C3orf38: variants seen among roughly 807,000 people sequenced by gnomAD.
C3orf38 encodes the protein uncharacterized protein C3orf38.
Under a neutral mutation model 28.3 loss-of-function variants are expected in C3orf38, and 18 were observed. The observed-to-expected ratio is 0.64, with a 90% CI of 0.44 to 0.94. The LOEUF (loss-of-function observed/expected upper bound fraction) is 0.94, where lower values mean the gene tolerates loss of function less well. Ranked by LOEUF, C3orf38 falls within the 40% of genes least tolerant of loss-of-function variation. The pLI, the probability that C3orf38 is intolerant of heterozygous loss-of-function variation, is 0.00. For missense variants in C3orf38, 364 were observed against 396.4 expected (o/e 0.92, Z 0.69); for synonymous variants, 145 against 138.1 (o/e 1.05, Z -0.35).
At position 88,150,037 on chromosome 3, in the gene C3orf38, C is replaced by CG. The variant is rs767709909; in HGVS notation, c.-16_-15insG. On this transcript the variant is annotated 5_prime_UTR_variant, in exon 1 of 3. Coordinates refer to ENST00000318887, the MANE Select transcript of C3orf38 (RefSeq NM_173824.4). ...GGCGACATTGTTGCCGTTGTCTTTC[C>CG]CCCCCAGTCCCGGGGATGGAGATGT... is the stretch of plus-strand genomic sequence containing the variant. 2.0e-5 allele frequency: 32 copies of CG among 1,613,712 alleles called. No individual in the cohort carries two copies. The highest frequency in any genetic ancestry group is 2.3e-5 in the Non-Finnish European group (27 of 1,179,798).
intron 2 of C3orf38, among the ~76,000 whole-genome samples, chr3:88,153,950 A>G (rs1473692861): frequency 6.6e-6 from 1 of 152,204 alleles, no homozygotes; most frequent in African/African-American, 2.4e-5. Flanking sequence ...AACTAAGAGC[A>G]AAAATATTTC....
chr3:88,150,020 T>C lies in C3orf38; in HGVS notation c.-33T>C, dbSNP rs760285512. The C allele has an allele frequency of 1.9e-6, 3 of 1,583,554 alleles. No individual in the cohort carries two copies. The highest frequency in any genetic ancestry group is 2.2e-5 in the South Asian group (2 of 89,182). ...GCCCAGTGGGCCGTAGGGGCGACAT[T>C]GTTGCCGTTGTCTTTCCCCCCCAGT... On this transcript the variant is annotated 5_prime_UTR_variant, in exon 1 of 3. Transcript: ENST00000318887.
Position 88,150,129 on chromosome 3 carries a change from T to C in C3orf38, c.77T>C (p.Ile26Thr). ...NLLGLLDNDE[I>T]MALCDTVTNR... ...CTTGGCCTACTGGACAACGACGAGATCATGGCCCTATGCGACACTGTCACC... is the reference window on the plus strand; with the variant it reads ...CTTGGCCTACTGGACAACGACGAGACCATGGCCCTATGCGACACTGTCACC... The change falls in exon 1 of 3, where the codon ATC becomes ACC. Residue 26 changes from isoleucine to threonine, a missense_variant. Coordinates refer to ENST00000318887, the MANE Select transcript of C3orf38 (RefSeq NM_173824.4). The C allele has an allele frequency of 6.2e-7, 1 of 1,614,100 alleles. No homozygotes were observed. The highest frequency in any genetic ancestry group is 8.5e-7 in the Non-Finnish European group (1 of 1,180,018).
intron 1 of C3orf38, among the ~76,000 whole-genome samples, chr3:88,151,660 T>C (rs892271261): frequency 6.6e-6 from 1 of 152,156 alleles, no homozygotes; most frequent in African/African-American, 2.4e-5. Flanking sequence ...GCGTTTGTAA[T>C]TGGACGCAGA....
At chr3:88,152,586 C>CCCCG (rs1707429417) in intron 1 of C3orf38, among the ~76,000 whole-genome samples, 1 of 151,730 alleles carries the variant, frequency 6.6e-6, no homozygotes, top group Non-Finnish European at 1.5e-5. Context: ...CACGGTGAAA[C>CCCCG]CCTGTCTGTA....
chr3:88,153,194 C>T (rs1707438448), intron 1 of C3orf38, 36 bp from the exon 2 acceptor site: 4 of 1,586,252 alleles, frequency 2.5e-6, no homozygotes, highest in South Asian at 1.1e-5. Context: ...GTAAGTGCCT[C>T]ATGATTTTTT....
intron 1 of C3orf38, chr3:88,150,935 A>C (rs1707402816): frequency 6.6e-6 from 1 of 152,138 alleles, no homozygotes; most frequent in Non-Finnish European, 1.5e-5. Context: ...CATTTTTGGC[A>C]TTGAAGAAAG....
At chr3:88,153,517 A>T in intron 2 of C3orf38, 46 bp downstream of exon 2, 2 of 1,595,000 alleles carry the variant, frequency 1.3e-6, no homozygotes, top group Non-Finnish European at 1.7e-6. Flanking sequence ...GTTCTGTCTG[A>T]AACTTTGTTG....
In C3orf38 at chr3:88,156,041, A is replaced by G. The variant is rs1338383999; in HGVS notation, c.396A>G (p.Lys132=). The stretch of plus-strand genomic sequence containing the variant: ...ATCAGCAGGTGAAAGAAGATAAAAA[A>G]GCTGAAAAAGTTGATTTTCGTCGCC... ...LFQQQVKEDK[K]AEKVDFRRLG... The change falls in exon 3 of 3, where the codon AAA becomes AAG. Residue 132 remains lysine, a synonymous_variant. Transcript: ENST00000318887. 2.6e-6 allele frequency: 4 copies of G among 1,543,240 alleles called. No individual in the cohort carries two copies. Among genetic ancestry groups the G allele is most frequent in the Non-Finnish European group, 3.5e-6 (4 of 1,148,334 alleles).
chr3:88,156,619 C>A lies in C3orf38; in HGVS notation c.974C>A (p.Thr325Asn), dbSNP rs1415636908. ...GTAAAGCAGGCTTCGGATAGTGGAA[C>A]TGGGGACCAAGTTTGAGGTAGTGGA... Reference protein sequence around the residue: ...HNVKQASDSGTGDQV With the variant: ...HNVKQASDSGNGDQV The change falls in exon 3 of 3, where the codon ACT becomes AAT. Residue 325 changes from threonine (T) to asparagine (N), a missense_variant. Transcript: ENST00000318887. 6.8e-6 allele frequency: 11 copies of A among 1,609,926 alleles called. No individual in the cohort carries two copies. Among genetic ancestry groups the A allele is most frequent in the Non-Finnish European group, 9.3e-6 (11 of 1,178,132 alleles).
At chr3:88,155,849 T>C (rs1347537442) in intron 2 of C3orf38, among the ~76,000 whole-genome samples, 172 bp from the exon 3 acceptor site, 2 of 152,156 alleles carry the variant, frequency 1.3e-5, no homozygotes, top group African/African-American at 2.4e-5. Flanking sequence ...AAATGATTTT[T>C]CTCCTCTTGA....
intron 2 of C3orf38, among the ~76,000 whole-genome samples, chr3:88,155,512 GCAGTGATGCTAT>G (rs1707468348): frequency 6.7e-6 from 1 of 148,686 alleles, no homozygotes; most frequent in South Asian, 2.1e-4. Context: ...GGGCTGGAGT[GCAGTGATGCTAT>G]CTTGGCTCAC....
chr3:88,150,468 G>A (rs559169642), intron 1 of C3orf38: 83 of 252,842 alleles, frequency 3.3e-4, no homozygotes, highest in Middle Eastern at 1.2e-3. Flanking sequence ...TTTCTGGGGA[G>A]CCAGAATGTT....
intron 2 of C3orf38, among the ~76,000 whole-genome samples, chr3:88,155,111 C>G (rs577466803): frequency 2.6e-4 from 40 of 152,260 alleles, no homozygotes; most frequent in South Asian, 8.3e-4. Flanking sequence ...CTGCCTGCCT[C>G]AGCCTCCCAA....
At position 88,156,362 on chromosome 3, in the gene C3orf38, T is replaced by C; in HGVS notation, c.717T>C (p.Thr239=). The change falls in exon 3 of 3, where the codon ACT becomes ACC. Residue 239 remains threonine, a synonymous_variant. Coordinates refer to ENST00000318887, the MANE Select transcript of C3orf38 (RefSeq NM_173824.4). The part of the protein sequence containing the change: ...HGLVMVGVAG[T]VHRGNTCLGI... ...TGGTTATGGTTGGAGTTGCTGGGAC[T>C]GTCCATCGAGGAAACACTTGTTTGG... 6.2e-7 allele frequency: 1 copy of C among 1,614,256 alleles called. No individual in the cohort carries two copies.
At chr3:88,150,498 C>A in intron 1 of C3orf38, 1 of 206,720 alleles carries the variant, frequency 4.8e-6, no homozygotes, top group Non-Finnish European at 9.8e-6. Context: ...CAGTTTCGAT[C>A]AGCTGAAGAG....
chr3:88,150,032 C>T lies in C3orf38; in HGVS notation c.-21C>T. ...GTAGGGGCGACATTGTTGCCGTTGT[C>T]TTTCCCCCCCAGTCCCGGGGATGGA... On this transcript the variant is annotated 5_prime_UTR_variant, in exon 1 of 3. Transcript: ENST00000318887. 4 of 1,523,722 alleles carry T rather than the reference C, an allele frequency of 2.6e-6. No homozygotes were observed. The highest frequency in any genetic ancestry group is 3.5e-6 in the Non-Finnish European group (4 of 1,130,486). The allele number at this position is 1,523,722 out of a possible 1,614,324, so 94.4% of individuals were successfully genotyped here. A position where few individuals can be genotyped will look rare whatever the true frequency, so the allele number is the denominator to read the frequency against.
At chr3:88,150,296 CTG>C (rs1388662087) in intron 1 of C3orf38, 111 bp downstream of exon 1, 55 of 1,298,922 alleles carry the variant, frequency 4.2e-5, no homozygotes, top group Non-Finnish European at 4.9e-5. Flanking sequence ...ATCCACAGCT[CTG>C]GAACCACTAC....
intron 1 of C3orf38, among the ~76,000 whole-genome samples, chr3:88,152,663 G>A (rs1707430616): frequency 6.6e-6 from 1 of 151,654 alleles, no homozygotes; most frequent in Non-Finnish European, 1.5e-5. Flanking sequence ...GCTGAGGCAG[G>A]AGAATGGCGT....
Sources: gnomAD v4.1 joint callset for allele counts (sites outside exome capture counted in the v4.1 genomes callset) on GRCh38, gnomAD v4.1.1 for gene constraint, MANE v1.5 for transcripts, NCBI Gene and HGNC (gene_info 2026-07-23, HGNC 2026-07-21) for gene names.